The following ALK variants were observed in gnomAD, a reference collection of about 807,000 sequenced individuals.
ALK encodes ALK tyrosine kinase receptor.
Under a neutral mutation model 163.1 loss-of-function variants are expected in ALK, and 74 were observed. The ratio of observed to expected loss-of-function variants is 0.45; its 90% CI spans 0.38 to 0.55. ALK has a LOEUF of 0.55. Ranked by LOEUF, ALK falls within the 20% of genes least tolerant of loss-of-function variation. The pLI, the probability that ALK is intolerant of heterozygous loss-of-function variation, is 0.00. For missense variants in ALK, 2,063 were observed against 2,105.3 expected (o/e 0.98, Z 0.39); for synonymous variants, 960 against 843.2 (o/e 1.14, Z -2.40).
intron 1 of ALK, among the ~76,000 whole-genome samples, chr2:29,738,460 T>A (rs577625016): frequency 6.6e-6 from 1 of 152,234 alleles, no homozygotes; most frequent in East Asian, 1.9e-4. Context: ...CTGTAACTTA[T>A]GTGGCCATCT....
chr2:29,784,149 A>T (rs1663932392), intron 1 of ALK, among the ~76,000 whole-genome samples: 1 of 152,230 alleles, frequency 6.6e-6, no homozygotes, highest in African/African-American at 2.4e-5. Flanking sequence ...GAGCAAGGAG[A>T]TAGAACTAAG....
At chr2:29,534,755 G>C (rs558875647) in intron 3 of ALK, among the ~76,000 whole-genome samples, 1 of 152,360 alleles carries the variant, frequency 6.6e-6, no homozygotes, top group South Asian at 2.1e-4. Flanking sequence ...GGCTCTTTCT[G>C]TGTCACTGCT....
intron 1 of ALK, among the ~76,000 whole-genome samples, chr2:29,810,766 C>T (rs995432512): frequency 6.6e-6 from 1 of 152,080 alleles, no homozygotes; most frequent in African/African-American, 2.4e-5. Context: ...TGTGTACCCT[C>T]CAAATTTATA....
rs531608325 is a variant in ALK at position 29,517,343 on chromosome 2, C to T, written c.1154+14572G>A. Among the ~76,000 whole-genome samples the T allele has an allele frequency of 2.0e-5, 3 of 152,162 alleles. 1 individual carries two copies. In the South Asian group the frequency reaches 6.2e-4, roughly 32 times the overall value. On this transcript the variant is annotated intron_variant, in intron 4 of 28. Coordinates refer to ENST00000389048, the MANE Select transcript of ALK (RefSeq NM_004304.5). ...ATTATACAACTGTCATTTTATTTCTCTTGTGTATCTAGTGGGTCATTATAT... is the reference window on the plus strand; with the variant it reads ...ATTATACAACTGTCATTTTATTTCTTTTGTGTATCTAGTGGGTCATTATAT...
chr2:29,212,116 CAA>C (rs1176039442), intron 24 of ALK, among the ~76,000 whole-genome samples: 1 of 151,690 alleles, frequency 6.6e-6, no homozygotes, highest in African/African-American at 2.4e-5. Context: ...AGATAAAAAA[CAA>C]AAGACAAGTA....
intron 1 of ALK, among the ~76,000 whole-genome samples, chr2:29,886,360 G>A (rs537366709): frequency 6.6e-6 from 1 of 152,192 alleles, no homozygotes; most frequent in Non-Finnish European, 1.5e-5. Flanking sequence ...CTGTGCAGGG[G>A]TTGTTGAAAA....
intron 1 of ALK, among the ~76,000 whole-genome samples, chr2:29,805,813 T>A (rs914775496): frequency 6.7e-6 from 1 of 148,870 alleles, no homozygotes; most frequent in Non-Finnish European, 1.5e-5. Flanking sequence ...TAATCATCTC[T>A]GTTTATGTGT....
At chr2:29,317,961 G>A (rs1259632575) in intron 8 of ALK, among the ~76,000 whole-genome samples, 2 of 152,308 alleles carry the variant, frequency 1.3e-5, no homozygotes, top group East Asian at 3.9e-4. Flanking sequence ...TATTACAAGA[G>A]CTCAATGTTT....
chr2:29,575,152 A>G (rs201566221), intron 3 of ALK, among the ~76,000 whole-genome samples: 1 of 152,108 alleles, frequency 6.6e-6, no homozygotes, highest in African/African-American at 2.4e-5. Context: ...ATAGAACTCA[A>G]TTAAACCAAA....
intron 1 of ALK, among the ~76,000 whole-genome samples, chr2:29,885,332 T>C (rs1178680191): frequency 1.3e-5 from 2 of 152,102 alleles, no homozygotes; most frequent in African/African-American, 2.4e-5. Context: ...CATGATACTC[T>C]ATGGAAAGGA....
intron 1 of ALK, among the ~76,000 whole-genome samples, chr2:29,725,082 A>T (rs1245617745): frequency 6.6e-6 from 1 of 151,108 alleles, no homozygotes; most frequent in Non-Finnish European, 1.5e-5. Flanking sequence ...AACAGTGAGG[A>T]ATATTAATAA....
At chr2:29,909,758 A>G (rs1325860515) in intron 1 of ALK, among the ~76,000 whole-genome samples, 2 of 152,202 alleles carry the variant, frequency 1.3e-5, no homozygotes, top group African/African-American at 4.8e-5. Flanking sequence ...TACCCGAGGC[A>G]TGTGATGGAG....
intron 4 of ALK, among the ~76,000 whole-genome samples, chr2:29,528,323 G>A (rs1673017128): frequency 6.6e-6 from 1 of 152,148 alleles, no homozygotes; most frequent in Non-Finnish European, 1.5e-5. Context: ...CATCAAGCTT[G>A]CGTTCTTGCA....
chr2:29,877,719 C>A (rs1666759636), intron 1 of ALK, among the ~76,000 whole-genome samples: 1 of 152,184 alleles, frequency 6.6e-6, no homozygotes, highest in Non-Finnish European at 1.5e-5. Flanking sequence ...CACTCCCACA[C>A]CCCTCCCACA....
intron 3 of ALK, among the ~76,000 whole-genome samples, chr2:29,648,240 A>G (rs1341240318): frequency 6.6e-6 from 1 of 152,168 alleles, no homozygotes; most frequent in African/African-American, 2.4e-5. Flanking sequence ...AATTTGAAAA[A>G]TCAGTTAGTA....
intron 3 of ALK, among the ~76,000 whole-genome samples, chr2:29,588,120 T>A (rs1674939621): frequency 6.6e-6 from 1 of 152,218 alleles, no homozygotes; most frequent in African/African-American, 2.4e-5. Context: ...TTTCTGGGAC[T>A]GTGTCCGTTT....
intron 4 of ALK, among the ~76,000 whole-genome samples, chr2:29,398,793 T>G (rs1162687331): frequency 6.6e-6 from 1 of 152,180 alleles, no homozygotes; most frequent in Non-Finnish European, 1.5e-5. Flanking sequence ...AGCTCCCACC[T>G]CCTGTGAATT....
intron 1 of ALK, among the ~76,000 whole-genome samples, chr2:29,823,772 A>G (rs767177832): frequency 1.3e-5 from 2 of 152,236 alleles, no homozygotes; most frequent in African/African-American, 2.4e-5. Context: ...GAAGCAGAGC[A>G]TAAAAGTTCA....
chr2:29,651,821 C>T (rs1025729737), intron 3 of ALK, among the ~76,000 whole-genome samples: 7 of 152,170 alleles, frequency 4.6e-5, no homozygotes, highest in African/African-American at 1.7e-4. Flanking sequence ...TCTCTCCTTG[C>T]ATTGCAATTG....
Sources: gnomAD v4.1 joint callset for allele counts (sites outside exome capture counted in the v4.1 genomes callset) on GRCh38, gnomAD v4.1.1 for gene constraint, MANE v1.5 for transcripts, NCBI Gene and HGNC (gene_info 2026-07-23, HGNC 2026-07-21) for gene names.